The following CRLF2 variants were observed in gnomAD, a reference collection of about 807,000 sequenced individuals.
CRLF2 encodes the protein cytokine receptor like factor 2.
Under a neutral mutation model 38.7 loss-of-function variants are expected in CRLF2, and 41 were observed. The ratio of observed to expected loss-of-function variants is 1.06; its 90% CI spans 0.83 to 1.37. The LOEUF (loss-of-function observed/expected upper bound fraction) is 1.37, where lower values mean the gene tolerates loss of function less well. Among genes scored for constraint, CRLF2 ranks in the 40% most tolerant of loss-of-function variants. CRLF2 has a pLI of 0.00. For synonymous variants in CRLF2, 140 were observed against 128.8 expected (o/e 1.09, Z -0.59); for missense variants, 377 against 322.2 (o/e 1.17, Z -1.30).
rs752137745 is a variant in CRLF2 at position 1,197,422 on chromosome X, G to T, written c.647-522C>A. ...GAGGAAGTAAGGGCAGGTCCAACATGTAGCCTTTGGAGGCTTCTGGTTGCT... is the reference window on the plus strand; with the variant it reads ...GAGGAAGTAAGGGCAGGTCCAACATTTAGCCTTTGGAGGCTTCTGGTTGCT... On this transcript the variant is annotated intron_variant, in intron 5 of 7. Transcript: ENST00000400841. Among the ~76,000 whole-genome samples, 11 of 152,148 alleles carry T rather than the reference G, an allele frequency of 7.2e-5. 1 individual carries two copies. In the South Asian group the frequency reaches 2.3e-3, roughly 32 times the overall value.
At chrX:1,205,033 G>T (rs1281413954) in intron 3 of CRLF2, among the ~76,000 whole-genome samples, 7 of 151,810 alleles carry the variant, frequency 4.6e-5, no homozygotes, top group Non-Finnish European at 1.0e-4. Flanking sequence ...CACCATGTTG[G>T]TGAGGCTGGT....
At chrX:1,191,295 C>CCCTTTCTTTCTT (rs2086368760) in intron 7 of CRLF2, 135 bp from the exon 8 acceptor site, 4 of 331,124 alleles carry the variant, frequency 1.2e-5, no homozygotes, top group African/African-American at 1.2e-4. Flanking sequence ...CTTTTCTTTT[C>CCCTTTCTTTCTT]TCTTTCTTTC....
chrX:1,193,371 T>G (rs2086426783), intron 6 of CRLF2, 69 bp from the exon 7 acceptor site: 1 of 398,332 alleles, frequency 2.5e-6, no homozygotes. Flanking sequence ...AAGAAGCACC[T>G]ACAGGGCATG....
intron 6 of CRLF2, among the ~76,000 whole-genome samples, chrX:1,194,575 G>C (rs1243781383): frequency 6.6e-6 from 1 of 152,134 alleles, no homozygotes; most frequent in Non-Finnish European, 1.5e-5. Context: ...GATAGGATGG[G>C]CTGAAATGGG....
intron 1 of CRLF2, among the ~76,000 whole-genome samples, chrX:1,211,767 GAATGCATGGATA>G (rs769822683): frequency 0.014 from 1,027 of 71,506 alleles, 1 homozygote; most frequent in African/African-American, 0.019. Context: ...AAGTGTGGGT[GAATGCATGGATA>G]GATGGATGTA....
intron 6 of CRLF2, among the ~76,000 whole-genome samples, chrX:1,194,112 G>A (rs1197196664): frequency 2.0e-5 from 3 of 150,224 alleles, no homozygotes; most frequent in Admixed American, 6.7e-5. Context: ...GCAACAGACC[G>A]AGACTCCATC....
intron 7 of CRLF2, among the ~76,000 whole-genome samples, chrX:1,192,191 C>CGA (rs2086395172): frequency 8.3e-6 from 1 of 119,870 alleles, no homozygotes; most frequent in African/African-American, 3.2e-5. Context: ...GGCGACAGAG[C>CGA]GAGACTCCGT....
At chrX:1,211,861 ATGGATGTATTGGTAGATGGATGGG>A (rs1419633682) in intron 1 of CRLF2, among the ~76,000 whole-genome samples, 1 of 81,762 alleles carries the variant, frequency 1.2e-5, no homozygotes, top group Non-Finnish European at 2.3e-5. Flanking sequence ...GCATGGATGG[ATGGATGTATTGGTAGATGGATGGG>A]TGGATGGGTG....
chrX:1,209,330 T>G (rs1490572724), intron 1 of CRLF2, among the ~76,000 whole-genome samples: 1 of 150,036 alleles, frequency 6.7e-6, no homozygotes, highest in African/African-American at 2.5e-5. Flanking sequence ...TGTAGTGTAG[T>G]GTAGTGTAGT....
chrX:1,192,142 T>C (rs1402488993), intron 7 of CRLF2, among the ~76,000 whole-genome samples: 40 of 140,716 alleles, frequency 2.8e-4, no homozygotes, highest in African/African-American at 8.1e-4. Flanking sequence ...GAGGTGGAGC[T>C]TGCAGTGAGC....
chrX:1,197,874 A>G (rs1425938153), intron 5 of CRLF2, among the ~76,000 whole-genome samples: 3 of 151,736 alleles, frequency 2.0e-5, no homozygotes, highest in Non-Finnish European at 4.4e-5. Context: ...GGTGGCGTGT[A>G]CACTGTAATC....
chrX:1,204,044 C>G lies in CRLF2; in HGVS notation c.350-1509G>C, dbSNP rs755426584. 1.5e-3 allele frequency among the ~76,000 whole-genome samples: 215 copies of G among 144,632 alleles called. 3 individuals are homozygous for G. Among genetic ancestry groups the G allele is most frequent in the Admixed American group, 0.011 (151 of 14,002 alleles). 94.9% of individuals were successfully genotyped at this position (144,632 alleles called of 152,430 possible). ...GAGACTTAACAGCCAGTTCTCAACGCACATAAGAAAACCAGCCTGGGCAAC... is the reference window on the plus strand; with the variant it reads ...GAGACTTAACAGCCAGTTCTCAACGGACATAAGAAAACCAGCCTGGGCAAC... On this transcript the variant is annotated intron_variant, in intron 3 of 7. Transcript: ENST00000400841.
intron 4 of CRLF2, 55 bp from the exon 5 acceptor site, chrX:1,198,779 A>ACACACG: frequency 7.3e-7 from 1 of 1,368,760 alleles, no homozygotes; most frequent in Non-Finnish European, 1.0e-6. Context: ...ACACACACAC[A>ACACACG]CACAATGATT....
In CRLF2 at chrX:1,209,433, G is replaced by A. The variant is rs372993693; in HGVS notation, c.80-525C>T. Among the ~76,000 whole-genome samples the A allele has an allele frequency of 1.5e-3, 221 of 151,764 alleles. 1 individual carries two copies. The highest frequency in any genetic ancestry group is 4.9e-3 in the African/African-American group (204 of 41,408). On this transcript the variant is annotated intron_variant, in intron 1 of 7. Transcript: ENST00000400841. Reference sequence around the variant, plus strand: ...TGCAAGCTCCGCCTCCCGGGTTCACGCCATTCTCCTGCCTCAGCCTCCCGA... The same window carrying A: ...TGCAAGCTCCGCCTCCCGGGTTCACACCATTCTCCTGCCTCAGCCTCCCGA...
At chrX:1,192,158 TC>T (rs2147818307) in intron 7 of CRLF2, among the ~76,000 whole-genome samples, 1 of 121,574 alleles carries the variant, frequency 8.2e-6, no homozygotes, top group East Asian at 2.5e-4. Flanking sequence ...TGAGCCGAGA[TC>T]CCGCCACTGC....
intron 1 of CRLF2, 91 bp from the exon 2 acceptor site, chrX:1,208,999 A>C: frequency 1.3e-6 from 1 of 789,830 alleles, no homozygotes; most frequent in Non-Finnish European, 2.1e-6. Flanking sequence ...ACAGAGTCTC[A>C]CTCTGTTGCC....
At chrX:1,191,932 G>T (rs1391312287) in intron 7 of CRLF2, among the ~76,000 whole-genome samples, 1 of 151,696 alleles carries the variant, frequency 6.6e-6, no homozygotes, top group Non-Finnish European at 1.5e-5. Flanking sequence ...CCAGCCGGCC[G>T]CAGTGGCTTA....
At chrX:1,193,536 G>C (rs2147821548) in intron 6 of CRLF2, among the ~76,000 whole-genome samples, 1 of 152,170 alleles carries the variant, frequency 6.6e-6, no homozygotes, top group Non-Finnish European at 1.5e-5. Context: ...CCAGCACTTT[G>C]GGAGGCTGAG....
At chrX:1,199,064 G>A (rs1340075281) in intron 4 of CRLF2, 22 of 408,164 alleles carry the variant, frequency 5.4e-5, no homozygotes, top group African/African-American at 1.0e-4. Flanking sequence ...CAGGAGAATC[G>A]CTTGAACCTG....
Sources: gnomAD v4.1 joint callset for allele counts (sites outside exome capture counted in the v4.1 genomes callset) on GRCh38, gnomAD v4.1.1 for gene constraint, MANE v1.5 for transcripts, NCBI Gene and HGNC (gene_info 2026-07-23, HGNC 2026-07-21) for gene names.